PLCB1: variants seen among roughly 807,000 people sequenced by gnomAD.
The protein encoded by PLCB1 is phospholipase C beta 1, also known as 1-phosphatidylinositol 4,5-bisphosphate phosphodiesterase beta-1.
Under a neutral mutation model 161.8 loss-of-function variants are expected in PLCB1, and 46 were observed. That is an observed-to-expected ratio of 0.28 (90% CI 0.22 to 0.36). The LOEUF is 0.36. Ranked by LOEUF, PLCB1 falls within the 10% of genes least tolerant of loss-of-function variation. The pLI is 1.00. For synonymous variants in PLCB1, 517 were observed against 503.7 expected, an observed-to-expected ratio of 1.03 and a Z score of -0.35; for missense variants, 1,016 against 1,472.5, an observed-to-expected ratio of 0.69 and a Z score of 5.07.
chr20:8,864,268 T>C (rs1987351703), intron 31 of PLCB1, among the ~76,000 whole-genome samples: 1 of 152,246 alleles, frequency 6.6e-6, no homozygotes, highest in Non-Finnish European at 1.5e-5. Context: ...TGGTCTTAGA[T>C]GATTTCTATT....
intron 23 of PLCB1, among the ~76,000 whole-genome samples, chr20:8,748,260 TA>T (rs1446373654): frequency 2.0e-5 from 3 of 152,238 alleles, no homozygotes. Context: ...ATGCCTTGGA[TA>T]AAACTGGGTC....
chr20:8,568,312 T>C (rs543389433), intron 3 of PLCB1, among the ~76,000 whole-genome samples: 1 of 152,332 alleles, frequency 6.6e-6, no homozygotes, highest in East Asian at 1.9e-4. Flanking sequence ...CAAAAATCAG[T>C]TACTGCGTGG....
rs16994669 is a variant in PLCB1, at chr20:8,332,196, G to A, written c.178-39186G>A. On this transcript the variant is annotated intron_variant, in intron 2 of 31. Transcript: ENST00000338037. ...ACATGATTCTACTGACTTGCTGTCAGCGGGACTTGCACTTTGGGCTGCTTT... is the reference window on the plus strand; with the variant it reads ...ACATGATTCTACTGACTTGCTGTCAACGGGACTTGCACTTTGGGCTGCTTT... Among the ~76,000 whole-genome samples the A allele has an allele frequency of 7.4e-3, 1,123 of 152,330 alleles. 17 individuals are homozygous for A. The highest frequency in any genetic ancestry group is 0.026 in the African/African-American group (1,074 of 41,576).
intron 31 of PLCB1, among the ~76,000 whole-genome samples, chr20:8,821,496 A>T (rs1184696573): frequency 0.013 from 40 of 2,972 alleles, no homozygotes; most frequent in African/African-American, 0.041. Flanking sequence ...AAAAAAAAAA[A>T]ATATGTATAT....
In PLCB1 at chr20:8,136,402, A is replaced by G. The variant is rs756388206; in HGVS notation, c.99+3652A>G. On this transcript the variant is annotated intron_variant, in intron 1 of 31. Coordinates refer to ENST00000338037, the MANE Select transcript of PLCB1 (RefSeq NM_015192.4). ...AGCACTTTGGGAAGCCGAGGCGGGC[A>G]GATCACAAGACCAGGAGATCGAGAC... is the stretch of plus-strand genomic sequence containing the variant. 2.6e-4 allele frequency among the ~76,000 whole-genome samples: 40 copies of G among 152,288 alleles called. 1 individual carries two copies. The highest frequency in any genetic ancestry group is 8.3e-4 in the South Asian group (4 of 4,828).
chr20:8,856,386 C>T lies in PLCB1; in HGVS notation c.3424-25236C>T, dbSNP rs1327693487. ...TGTTGCTTACTTTGGGAGGCTGAGG[C>T]TGGTGAATCACTTGAGGCCAGGAGT... is the stretch of plus-strand genomic sequence containing the variant. On this transcript the variant is annotated intron_variant, in intron 31 of 31. Transcript: ENST00000338037. Among the ~76,000 whole-genome samples, 6 of 152,100 alleles carry T rather than the reference C, an allele frequency of 3.9e-5. No homozygotes were observed. The East Asian group carries it at 1.2e-3, about 29-fold the overall frequency.
chr20:8,605,676 T>C (rs1390091696), intron 3 of PLCB1, among the ~76,000 whole-genome samples: 1 of 151,552 alleles, frequency 6.6e-6, no homozygotes, highest in East Asian at 1.9e-4. Flanking sequence ...TCAGGGTATA[T>C]GTGCAGATTT....
intron 3 of PLCB1, among the ~76,000 whole-genome samples, chr20:8,427,089 T>C (rs1449897875): frequency 1.3e-5 from 2 of 152,058 alleles, no homozygotes; most frequent in Non-Finnish European, 2.9e-5. Context: ...TCTTGTATTT[T>C]TGGTAGAGAT....
At chr20:8,507,359 T>G (rs1983679506) in intron 3 of PLCB1, among the ~76,000 whole-genome samples, 1 of 152,184 alleles carries the variant, frequency 6.6e-6, no homozygotes, top group Non-Finnish European at 1.5e-5. Context: ...AACCCTTTAG[T>G]CTCACAAGTG....
intron 3 of PLCB1, among the ~76,000 whole-genome samples, chr20:8,433,159 CTT>C (rs1449316527): frequency 6.6e-6 from 1 of 152,216 alleles, no homozygotes; most frequent in African/African-American, 2.4e-5. Flanking sequence ...CCGGTCCTCT[CTT>C]AGCCATGTTA....
In PLCB1 at chr20:8,658,601, G is replaced by A; in HGVS notation, c.759G>A (p.Gln253=). Reference sequence around the variant, plus strand: ...TGATGGATTTTATCAACCTTAAGCAGCGAGATCCTCGGCTTAATGAAATAC... The same window carrying A: ...TGATGGATTTTATCAACCTTAAGCAACGAGATCCTCGGCTTAATGAAATAC... ...DQMMDFINLK[Q]RDPRLNEILY... is the part of the protein sequence containing the mutation. Residue 253 remains glutamine (Q), a synonymous_variant, in exon 9 of 32, where the codon CAG becomes CAA. Coordinates refer to ENST00000338037, the MANE Select transcript of PLCB1 (RefSeq NM_015192.4). 1.2e-6 allele frequency: 2 copies of A among 1,613,076 alleles called. No individual in the cohort carries two copies. The highest frequency in any genetic ancestry group is 1.7e-6 in the Non-Finnish European group (2 of 1,179,386).
intron 3 of PLCB1, among the ~76,000 whole-genome samples, chr20:8,474,629 C>T (rs1600094546): frequency 6.6e-6 from 1 of 151,998 alleles, no homozygotes; most frequent in African/African-American, 2.4e-5. Context: ...TAAAGCCACT[C>T]GATTTCAGGC....
chr20:8,476,071 T>C (rs1286767794), intron 3 of PLCB1, among the ~76,000 whole-genome samples: 1 of 152,174 alleles, frequency 6.6e-6, no homozygotes, highest in Non-Finnish European at 1.5e-5. Context: ...TTTAAGGCTA[T>C]TACAGTCATT....
At chr20:8,248,575 C>T (rs748920667) in intron 2 of PLCB1, 5 of 151,894 alleles carry the variant, frequency 3.3e-5, no homozygotes, top group Non-Finnish European at 7.4e-5. Flanking sequence ...TTATAGGCAC[C>T]AGCAAAACAC....
intron 3 of PLCB1, among the ~76,000 whole-genome samples, chr20:8,531,593 T>A (rs1984819102): frequency 6.6e-6 from 1 of 152,114 alleles, no homozygotes; most frequent in Non-Finnish European, 1.5e-5. Context: ...GTAGAGTTGA[T>A]AAAAATTAAT....
intron 3 of PLCB1, among the ~76,000 whole-genome samples, chr20:8,602,172 A>G (rs1300667856): frequency 6.6e-6 from 1 of 152,186 alleles, no homozygotes; most frequent in Non-Finnish European, 1.5e-5. Context: ...ACCCATAATG[A>G]TGGATATTCT....
chr20:8,793,509 G>A (rs62195026), intron 31 of PLCB1, among the ~76,000 whole-genome samples: 36,571 of 151,204 alleles, frequency 0.24, 5,090 homozygotes, highest in Non-Finnish European at 0.32. Flanking sequence ...CTGGGTGTCC[G>A]GGGGAGACAT....
intron 2 of PLCB1, among the ~76,000 whole-genome samples, chr20:8,204,137 A>G (rs950033539): frequency 1.1e-4 from 16 of 152,168 alleles, no homozygotes; most frequent in Non-Finnish European, 1.5e-4. Flanking sequence ...AACTGTGGAA[A>G]GAGAGAGCTA....
At chr20:8,629,881 CTCTCTTTCT>C (rs1203126931) in intron 4 of PLCB1, among the ~76,000 whole-genome samples, 2 of 117,288 alleles carry the variant, frequency 1.7e-5, no homozygotes, top group African/African-American at 6.7e-5. Flanking sequence ...TTCTTTCTCT[CTCTCTTTCT>C]TTTCTTTCTT....
Sources: gnomAD v4.1 joint callset for allele counts (sites outside exome capture counted in the v4.1 genomes callset) on GRCh38, gnomAD v4.1.1 for gene constraint, MANE v1.5 for transcripts, NCBI Gene and HGNC (gene_info 2026-07-23, HGNC 2026-07-21) for gene names.